Variants in CADPS observed in about 807,000 individuals in gnomAD.
CADPS encodes calcium dependent secretion activator.
A neutral mutation model predicts 167.3 loss-of-function variants in CADPS; 57 were observed. The ratio of observed to expected loss-of-function variants is 0.34; its 90% CI spans 0.28 to 0.42. CADPS has a LOEUF of 0.42. Ranked by LOEUF, CADPS falls within the 20% of genes least tolerant of loss-of-function variation. The pLI, the probability that CADPS is intolerant of heterozygous loss-of-function variation, is 1.00. For missense variants in CADPS, 1,414 were observed against 1,738.1 expected (o/e 0.81, Z 3.32); for synonymous variants, 676 against 635.3 (o/e 1.06, Z -0.96).
intron 28 of CADPS, among the ~76,000 whole-genome samples, chr3:62,422,429 T>A (rs1280813727): frequency 6.6e-6 from 1 of 152,262 alleles, no homozygotes; most frequent in East Asian, 1.9e-4. Context: ...GGGAAAGCTC[T>A]TTAAAGTTTC....
At chr3:62,686,145 A>T (rs1293550496) in intron 3 of CADPS, among the ~76,000 whole-genome samples, 2 of 152,084 alleles carry the variant, frequency 1.3e-5, no homozygotes, top group African/African-American at 4.8e-5. Context: ...TAAGCAAGAC[A>T]ATTACGAAGA....
intron 5 of CADPS, among the ~76,000 whole-genome samples, chr3:62,647,510 C>T (rs2068856617): frequency 1.3e-5 from 2 of 152,146 alleles, no homozygotes; most frequent in African/African-American, 2.4e-5. Flanking sequence ...TTGTACTACT[C>T]GCGTGATGTT....
chr3:62,800,316 CATT>C (rs962947412), intron 1 of CADPS, among the ~76,000 whole-genome samples: 1 of 151,842 alleles, frequency 6.6e-6, no homozygotes, highest in African/African-American at 2.4e-5. Context: ...TCATCATCAT[CATT>C]CTTTTGGGTG....
chr3:62,671,020 CCTTG>C (rs1463827899), intron 3 of CADPS, among the ~76,000 whole-genome samples: 1 of 152,200 alleles, frequency 6.6e-6, no homozygotes, highest in Non-Finnish European at 1.5e-5. Context: ...GGCTTCACAT[CCTTG>C]CTCTGCCACT....
At chr3:62,642,836 G>A (rs2067703015) in intron 6 of CADPS, among the ~76,000 whole-genome samples, 2 of 152,084 alleles carry the variant, frequency 1.3e-5, no homozygotes, top group Admixed American at 1.3e-4. Context: ...CCTGAGCCCA[G>A]GTTGGCCAAG....
chr3:62,530,518 G>T (rs937882075), intron 13 of CADPS: 1 of 445,460 alleles, frequency 2.2e-6, no homozygotes, highest in Non-Finnish European at 3.2e-6. Flanking sequence ...TTTTAAAATT[G>T]CACCTTTGAA....
chr3:62,845,026 G>A (rs1488746669), intron 1 of CADPS, among the ~76,000 whole-genome samples: 4 of 152,184 alleles, frequency 2.6e-5, no homozygotes, highest in Non-Finnish European at 5.9e-5. Context: ...ACGGAAACTC[G>A]TCATCACAGG....
rs778336390 is a variant in CADPS, at chr3:62,481,873, T to C, written c.3027-4A>G. On this transcript the variant is annotated splice_region_variant and splice_polypyrimidine_tract_variant and intron_variant, in intron 21 of 29. Coordinates refer to ENST00000383710, the MANE Select transcript of CADPS (RefSeq NM_003716.4). ...GGGTAGGTTACTGGTTAAACTCCTGTGGAAGAAACAGACAGAAAGAAAAAA... is the reference window on the plus strand; with the variant it reads ...GGGTAGGTTACTGGTTAAACTCCTGCGGAAGAAACAGACAGAAAGAAAAAA... 7 of 1,604,814 alleles carry C rather than the reference T, an allele frequency of 4.4e-6. No individual in the cohort carries two copies. Among genetic ancestry groups the C allele is most frequent in the African/African-American group, 2.7e-5 (2 of 74,552 alleles).
chr3:62,717,446 G>T (rs911706850), intron 3 of CADPS, among the ~76,000 whole-genome samples: 3 of 152,142 alleles, frequency 2.0e-5, no homozygotes, highest in Non-Finnish European at 4.4e-5. Context: ...TTGCACAAAA[G>T]AGAAATTTTG....
chr3:62,719,058 C>A (rs2151943139), intron 3 of CADPS, among the ~76,000 whole-genome samples: 1 of 152,304 alleles, frequency 6.6e-6, no homozygotes, highest in East Asian at 1.9e-4. Context: ...CCTGGTGATG[C>A]CGTCTGGGTT....
In CADPS at chr3:62,755,627, G is replaced by A. The variant is rs115929153; in HGVS notation, c.556-1854C>T. 8.0e-3 allele frequency among the ~76,000 whole-genome samples: 1,221 copies of A among 152,152 alleles called. 16 individuals carry two copies. The highest frequency in any genetic ancestry group is 0.027 in the African/African-American group (1,138 of 41,512). ...AGATGTTTTTTTTTAAAAAGGCTCCGGTTTATTGTTGACTTTAATGAACTA... is the reference window on the plus strand; with the variant it reads ...AGATGTTTTTTTTTAAAAAGGCTCCAGTTTATTGTTGACTTTAATGAACTA... On this transcript the variant is annotated intron_variant, in intron 2 of 29. Coordinates refer to ENST00000383710, the MANE Select transcript of CADPS (RefSeq NM_003716.4).
rs972293633 is a variant in CADPS, at chr3:62,412,083, G to C, written c.3778-8898C>G. ...GCTCTAAACAGACACCAAAATCAGA[G>C]GGTACAGATAATCAGAATGACCTTC... is the stretch of plus-strand genomic sequence containing the variant. On this transcript the variant is annotated intron_variant, in intron 28 of 29. Transcript: ENST00000383710. The surrounding 1 kb of genome is among the most constrained non-coding windows in gnomAD (Gnocchi z 4.1). Among the ~76,000 whole-genome samples the C allele has an allele frequency of 6.6e-6, 1 of 151,692 alleles. No homozygotes were observed. Among genetic ancestry groups the C allele is most frequent in the Non-Finnish European group, 1.5e-5 (1 of 67,984 alleles).
At chr3:62,592,077 C>A (rs955524629) in intron 7 of CADPS, among the ~76,000 whole-genome samples, 1 of 152,156 alleles carries the variant, frequency 6.6e-6, no homozygotes, top group East Asian at 1.9e-4. Context: ...AATCGGTTTA[C>A]TGATCCTCAG....
At chr3:62,787,095 A>G (rs1242547570) in intron 1 of CADPS, among the ~76,000 whole-genome samples, 1 of 151,798 alleles carries the variant, frequency 6.6e-6, no homozygotes, top group Non-Finnish European at 1.5e-5. Flanking sequence ...GGAGTTAGAG[A>G]CTAGTCTGAG....
chr3:62,552,233 T>TG (rs1156565643), intron 10 of CADPS, among the ~76,000 whole-genome samples: 3 of 46,824 alleles, frequency 6.4e-5, no homozygotes, highest in Admixed American at 6.6e-4. Context: ...TGTTGTGGGG[T>TG]GGGGGGAGGG....
Position 62,546,016 on chromosome 3 carries a change from T to C in CADPS, c.1966+3887A>G, listed in dbSNP as rs17066558. On this transcript the variant is annotated intron_variant, in intron 11 of 29. Transcript: ENST00000383710. ...TCACTAGCAAGAAAGGCAAGTACTT[T>C]GAACAAATATTCAAAAACAAGATTT... is the stretch of plus-strand genomic sequence containing the variant. Among the ~76,000 whole-genome samples the C allele has an allele frequency of 9.2e-3, 1,408 of 152,314 alleles. 26 individuals carry two copies. The highest frequency in any genetic ancestry group is 0.03 in the African/African-American group (1,230 of 41,568).
rs192557473 is a variant in CADPS, at chr3:62,523,538, G to A, written c.2292-5288C>T. Among the ~76,000 whole-genome samples the A allele has an allele frequency of 3.0e-4, 46 of 152,210 alleles. No individual in the cohort carries two copies. In the East Asian group the frequency reaches 8.3e-3, roughly 27 times the overall value. ...TTCTCCATATTATGTTAAAAGCTGG[G>A]CCACAAAAACCTTCTTTTGAAAGGT... On this transcript the variant is annotated intron_variant, in intron 13 of 29. Coordinates refer to ENST00000383710, the MANE Select transcript of CADPS (RefSeq NM_003716.4).
chr3:62,528,367 G>T (rs1291229113), intron 13 of CADPS, among the ~76,000 whole-genome samples: 2 of 152,122 alleles, frequency 1.3e-5, no homozygotes, highest in Non-Finnish European at 2.9e-5. Context: ...TATCTCACAT[G>T]AATGTAATAA....
In CADPS at chr3:62,465,349, A is replaced by T. The variant is rs758553825; in HGVS notation, c.3636+18T>A. On this transcript the variant is annotated intron_variant, in intron 26 of 29. Transcript: ENST00000383710. The surrounding 1 kb of genome is among the most constrained non-coding windows in gnomAD (Gnocchi z 4.1). Reference sequence around the variant, plus strand: ...AAATTAAAACAAAAGCCAGGAAATAAAGAAGCTCTTTACTTACGGTAAATG... The same window carrying T: ...AAATTAAAACAAAAGCCAGGAAATATAGAAGCTCTTTACTTACGGTAAATG... 3.7e-5 allele frequency: 57 copies of T among 1,560,858 alleles called. No individual in the cohort carries two copies. The highest frequency in any genetic ancestry group is 4.5e-5 in the Non-Finnish European group (52 of 1,152,530).
Sources: gnomAD v4.1 joint callset for allele counts (sites outside exome capture counted in the v4.1 genomes callset) on GRCh38, gnomAD v4.1.1 for gene constraint, Gnocchi (gnomAD v3.1) non-coding constraint, MANE v1.5 for transcripts, NCBI Gene and HGNC (gene_info 2026-07-23, HGNC 2026-07-21) for gene names.